Variants in KHDRBS2 observed in about 807,000 individuals in gnomAD.
KHDRBS2 encodes the protein KH domain-containing, RNA-binding, signal transduction-associated protein 2.
KHDRBS2 carries 26 observed loss-of-function variants against 44.3 expected under a neutral mutation model. The observed-to-expected ratio is 0.59, with a 90% CI of 0.43 to 0.81. The LOEUF (loss-of-function observed/expected upper bound fraction) is 0.81, where lower values mean the gene tolerates loss of function less well. Ranked by LOEUF, KHDRBS2 falls within the 40% of genes least tolerant of loss-of-function variation. The pLI, the probability that KHDRBS2 is intolerant of heterozygous loss-of-function variation, is 0.00. For missense variants in KHDRBS2, 476 were observed against 433.1 expected (o/e 1.10, Z -0.88); for synonymous variants, 194 against 151.1 (o/e 1.28, Z -2.08).
intron 8 of KHDRBS2, among the ~76,000 whole-genome samples, chr6:61,685,555 A>G (rs190489394): frequency 1.8e-4 from 28 of 151,904 alleles, no homozygotes; most frequent in Admixed American, 1.6e-3. Context: ...TCTGTTTTTT[A>G]TTAACTTAGG....
chr6:62,158,010 A>G (rs1308804804), intron 2 of KHDRBS2, among the ~76,000 whole-genome samples: 2 of 152,210 alleles, frequency 1.3e-5, no homozygotes, highest in Non-Finnish European at 2.9e-5. Context: ...GTAATAATAT[A>G]AATCTCAAAG....
intron 3 of KHDRBS2, among the ~76,000 whole-genome samples, chr6:62,010,405 C>T (rs1403793893): frequency 1.3e-5 from 2 of 152,242 alleles, no homozygotes; most frequent in Non-Finnish European, 2.9e-5. Context: ...AGACTTTGGA[C>T]TGTGGACTTT....
chr6:62,012,036 T>C (rs1428570892), intron 3 of KHDRBS2, among the ~76,000 whole-genome samples: 1 of 152,184 alleles, frequency 6.6e-6, no homozygotes, highest in African/African-American at 2.4e-5. Context: ...CAAATGTTTC[T>C]TGATTTGAAC....
intron 4 of KHDRBS2, among the ~76,000 whole-genome samples, chr6:61,973,803 A>G (rs766470146): frequency 3.3e-5 from 5 of 152,202 alleles, no homozygotes; most frequent in Non-Finnish European, 7.3e-5. Context: ...AAGTTCTGTC[A>G]ACTCTGCTAA....
intron 7 of KHDRBS2, among the ~76,000 whole-genome samples, chr6:61,701,818 C>A (rs962854068): frequency 2.6e-5 from 4 of 151,946 alleles, no homozygotes; most frequent in African/African-American, 9.7e-5. Context: ...ATGATAGTTT[C>A]TATTGCAGTT....
At chr6:62,134,359 C>T (rs998803614) in intron 2 of KHDRBS2, among the ~76,000 whole-genome samples, 1 of 152,148 alleles carries the variant, frequency 6.6e-6, no homozygotes, top group Non-Finnish European at 1.5e-5. Flanking sequence ...AAGTCAAGAA[C>T]TGAGGTTTGG....
At position 61,710,035 on chromosome 6, in the gene KHDRBS2, A is replaced by C. The variant is rs533413664; in HGVS notation, c.894-12782T>G. Among the ~76,000 whole-genome samples, 24 of 151,794 alleles carry C rather than the reference A, an allele frequency of 1.6e-4. 1 individual carries two copies. Among genetic ancestry groups the C allele is most frequent in the African/African-American group, 5.5e-4 (23 of 41,498 alleles). On this transcript the variant is annotated intron_variant, in intron 7 of 8. Coordinates refer to ENST00000281156, the MANE Select transcript of KHDRBS2 (RefSeq NM_152688.4). The stretch of plus-strand genomic sequence containing the variant: ...TCATTCAAGTCCCAAATGGAATCTC[A>C]CCTGTGTTTGCATGATGTTCCAAAA...
intron 4 of KHDRBS2, among the ~76,000 whole-genome samples, chr6:61,902,090 G>A (rs1804159202): frequency 6.6e-6 from 1 of 152,044 alleles, no homozygotes; most frequent in Non-Finnish European, 1.5e-5. Context: ...GGAGTAACTG[G>A]AATTACAGGC....
At chr6:61,745,804 T>C (rs1776776489) in intron 6 of KHDRBS2, among the ~76,000 whole-genome samples, 2 of 152,130 alleles carry the variant, frequency 1.3e-5, no homozygotes, top group East Asian at 1.9e-4. Context: ...ATTATTTATA[T>C]AGTGCCTTGA....
the KHDRBS2 span, among the ~76,000 whole-genome samples, chr6:61,553,479 A>C: frequency 1.9e-4 from 29 of 152,154 alleles, no homozygotes; most frequent in African/African-American, 6.7e-4. Context: ...CATCATTTGC[A>C]TGAGTTTTAT....
At chr6:61,794,303 C>T (rs1047644319) in intron 6 of KHDRBS2, among the ~76,000 whole-genome samples, 4 of 152,134 alleles carry the variant, frequency 2.6e-5, no homozygotes, top group African/African-American at 7.2e-5. Flanking sequence ...TGTTCTAATA[C>T]GTGTAAGACA....
chr6:61,703,331 G>A (rs555190056), intron 7 of KHDRBS2, among the ~76,000 whole-genome samples: 2 of 151,670 alleles, frequency 1.3e-5, no homozygotes, highest in South Asian at 2.1e-4. Flanking sequence ...GTTTAAACAC[G>A]AGCTTTTGAT....
chr6:61,710,275 C>A (rs1562005944), intron 7 of KHDRBS2, among the ~76,000 whole-genome samples: 1 of 151,692 alleles, frequency 6.6e-6, no homozygotes, highest in Non-Finnish European at 1.5e-5. Flanking sequence ...TGATTAGAAG[C>A]ATTATAAAGC....
chr6:61,746,385 C>G (rs1776861594), intron 6 of KHDRBS2, among the ~76,000 whole-genome samples: 1 of 152,154 alleles, frequency 6.6e-6, no homozygotes, highest in African/African-American at 2.4e-5. Context: ...TCAACTCCCA[C>G]TTATGAGTGA....
chr6:61,637,432 A>C, the KHDRBS2 span, among the ~76,000 whole-genome samples: 1 of 152,086 alleles, frequency 6.6e-6, no homozygotes, highest in Non-Finnish European at 1.5e-5. Context: ...CCAGTCTATC[A>C]TTGTTGGACA....
the KHDRBS2 span, among the ~76,000 whole-genome samples, chr6:61,643,330 T>C: frequency 1.3e-5 from 2 of 152,076 alleles, no homozygotes; most frequent in Non-Finnish European, 2.9e-5. Context: ...ACAAGAGCCA[T>C]CTATGACAAA....
At chr6:61,638,636 T>C in the KHDRBS2 span, among the ~76,000 whole-genome samples, 1 of 152,126 alleles carries the variant, frequency 6.6e-6, no homozygotes, top group African/African-American at 2.4e-5. Context: ...GTTCAACATA[T>C]ACTTTCTTTG....
rs73489429 is a variant in KHDRBS2 at position 61,929,226 on chromosome 6, A to G, written c.484-27855T>C. Among the ~76,000 whole-genome samples the G allele has an allele frequency of 1.7e-3, 265 of 152,298 alleles. 1 individual carries two copies. Among genetic ancestry groups the G allele is most frequent in the African/African-American group, 6.1e-3 (252 of 41,576 alleles). ...CCATAAAGCAAATATGGGGTTGTGT[A>G]ATCTTTTAATTTCAAGTAATTACCA... is the stretch of plus-strand genomic sequence containing the variant. On this transcript the variant is annotated intron_variant, in intron 4 of 8. Transcript: ENST00000281156.
At chr6:61,742,390 C>T (rs546190715) in intron 6 of KHDRBS2, among the ~76,000 whole-genome samples, 3 of 152,000 alleles carry the variant, frequency 2.0e-5, no homozygotes, top group African/African-American at 7.2e-5. Context: ...ACTAACTGTA[C>T]AATGCCAATA....
Sources: allele counts gnomAD v4.1 joint callset (sites outside exome capture counted in the v4.1 genomes callset), GRCh38; gene constraint gnomAD v4.1.1; transcripts MANE v1.5; gene names NCBI Gene and HGNC (gene_info 2026-07-23, HGNC 2026-07-21).